Variants in CTNNA2 observed in about 807,000 individuals in gnomAD.
CTNNA2 encodes catenin alpha 2.
A neutral mutation model predicts 101.0 loss-of-function variants in CTNNA2; 42 were observed. That is an observed-to-expected ratio of 0.42 (90% CI 0.32 to 0.54). CTNNA2 has a LOEUF of 0.54. Ranked by LOEUF, CTNNA2 falls within the 20% of genes least tolerant of loss-of-function variation. The pLI is 0.14. For synonymous variants in CTNNA2, 450 were observed against 456.4 expected (o/e 0.99, Z 0.18); for missense variants, 871 against 1,223.1 (o/e 0.71, Z 4.29).
chr2:79,684,027 G>A (rs1236992838), intron 2 of CTNNA2, among the ~76,000 whole-genome samples: 2 of 152,146 alleles, frequency 1.3e-5, no homozygotes, highest in African/African-American at 4.8e-5. Flanking sequence ...AGGAGAGGGG[G>A]CAGTCTGAAC....
chr2:80,328,366 G>A (rs1457177754), intron 7 of CTNNA2: 4 of 470,930 alleles, frequency 8.5e-6, no homozygotes, highest in Non-Finnish European at 1.8e-5. Context: ...AGGCATGTTT[G>A]TGTGTGGCAG....
intron 7 of CTNNA2, among the ~76,000 whole-genome samples, chr2:80,298,002 T>G (rs1055882958): frequency 2.1e-4 from 32 of 151,748 alleles, no homozygotes; most frequent in Admixed American, 4.6e-4. Flanking sequence ...TATATGTGTG[T>G]GTGTGTGGTA....
chr2:79,197,148 G>C (rs889172485), intron 1 of CTNNA2, among the ~76,000 whole-genome samples: 11 of 152,138 alleles, frequency 7.2e-5, no homozygotes, highest in Admixed American at 6.6e-4. Flanking sequence ...CTCAAATCCA[G>C]AGATATGCAC....
chr2:79,320,570 G>C (rs1255179316), intron 3 of CTNNA2, among the ~76,000 whole-genome samples: 1 of 152,292 alleles, frequency 6.6e-6, no homozygotes, highest in East Asian at 1.9e-4. Context: ...AGAAAGTAAA[G>C]TTCTGCCTCT....
At chr2:79,648,388 A>G (rs947649447) in intron 1 of CTNNA2, among the ~76,000 whole-genome samples, 2 of 152,248 alleles carry the variant, frequency 1.3e-5, no homozygotes, top group Non-Finnish European at 2.9e-5. Flanking sequence ...GACTATGGTT[A>G]TGATTACTAT....
Position 79,306,574 on chromosome 2 carries a change from G to T in CTNNA2, c.-405-6135G>T, listed in dbSNP as rs1271286522. Among the ~76,000 whole-genome samples, 3 of 152,238 alleles carry T rather than the reference G, an allele frequency of 2.0e-5. No homozygotes were observed. In the East Asian group the frequency reaches 5.8e-4, roughly 29 times the overall value. On this transcript the variant is annotated intron_variant, in intron 2 of 21. Coordinates refer to the CTNNA2 transcript ENST00000466387. Reference sequence around the variant, plus strand: ...TATAACACACTTTTGGTGGACACAGGCTGTTTTAAATTTTAGGTATTGCAG... The same window carrying T: ...TATAACACACTTTTGGTGGACACAGTCTGTTTTAAATTTTAGGTATTGCAG...
chr2:80,369,437 G>A (rs892389540), intron 7 of CTNNA2, among the ~76,000 whole-genome samples: 13 of 152,050 alleles, frequency 8.5e-5, no homozygotes, highest in African/African-American at 2.9e-4. Flanking sequence ...ATGCAAGAAT[G>A]TACATATACA....
chr2:79,961,606 A>G (rs980347103), intron 7 of CTNNA2, among the ~76,000 whole-genome samples: 4 of 151,870 alleles, frequency 2.6e-5, no homozygotes, highest in Admixed American at 2.0e-4. Context: ...GCGGATCACC[A>G]GGTCAGGAGA....
chr2:79,544,792 G>A (rs1037257691), intron 1 of CTNNA2, among the ~76,000 whole-genome samples: 1 of 152,112 alleles, frequency 6.6e-6, no homozygotes, highest in Non-Finnish European at 1.5e-5. Flanking sequence ...AAGAAATATT[G>A]CCTTGGCCTC....
At chr2:79,478,172 T>C (rs1671073340) in intron 4 of CTNNA2, among the ~76,000 whole-genome samples, 1 of 152,178 alleles carries the variant, frequency 6.6e-6, no homozygotes, top group South Asian at 2.1e-4. Context: ...TCCAACCCCT[T>C]TGGAGCTGTA....
chr2:80,085,434 G>A (rs915453928), intron 7 of CTNNA2, among the ~76,000 whole-genome samples: 3 of 152,054 alleles, frequency 2.0e-5, no homozygotes, highest in Admixed American at 6.6e-5. Flanking sequence ...GGTGCAAAAA[G>A]AGAACACAAA....
At chr2:79,790,025 G>A (rs762744087) in intron 3 of CTNNA2, among the ~76,000 whole-genome samples, 1 of 152,262 alleles carries the variant, frequency 6.6e-6, no homozygotes, top group African/African-American at 2.4e-5. Flanking sequence ...AAAAGGCCAA[G>A]AAAGAGCACC....
intron 2 of CTNNA2, among the ~76,000 whole-genome samples, chr2:79,261,309 A>G (rs1224286910): frequency 6.6e-6 from 1 of 152,194 alleles, no homozygotes; most frequent in Non-Finnish European, 1.5e-5. Context: ...ACGTTGCACA[A>G]TAAAAATATG....
chr2:80,589,899 T>TGC (rs1183564452), intron 15 of CTNNA2, among the ~76,000 whole-genome samples: 16 of 144,628 alleles, frequency 1.1e-4, no homozygotes, highest in African/African-American at 3.2e-4. Flanking sequence ...TGTGTGTGTG[T>TGC]GTGTGTGCGC....
At chr2:80,596,654 CAG>C (rs1697012437) in intron 15 of CTNNA2, among the ~76,000 whole-genome samples, 1 of 152,020 alleles carries the variant, frequency 6.6e-6, no homozygotes, top group Non-Finnish European at 1.5e-5. Context: ...CATCTGCAAA[CAG>C]AGACAATTTG....
At chr2:80,076,301 T>A (rs1468369129) in intron 7 of CTNNA2, among the ~76,000 whole-genome samples, 1 of 151,484 alleles carries the variant, frequency 6.6e-6, no homozygotes, top group Non-Finnish European at 1.5e-5. Context: ...CTTTTTTAGA[T>A]AGGATCTCAC....
intron 3 of CTNNA2, among the ~76,000 whole-genome samples, chr2:79,765,334 CT>C (rs1006421085): frequency 1.3e-5 from 2 of 152,038 alleles, no homozygotes; most frequent in Non-Finnish European, 2.9e-5. Context: ...CTAGTACTTT[CT>C]TTTTTTCTAA....
chr2:79,330,716 C>A (rs577667704), intron 3 of CTNNA2, among the ~76,000 whole-genome samples: 1 of 152,118 alleles, frequency 6.6e-6, no homozygotes, highest in Non-Finnish European at 1.5e-5. Flanking sequence ...ATCTGATGGT[C>A]TTATAAAGGG....
intron 1 of CTNNA2, among the ~76,000 whole-genome samples, chr2:79,638,196 G>C (rs1381381377): frequency 6.6e-6 from 1 of 152,134 alleles, no homozygotes; most frequent in Non-Finnish European, 1.5e-5. Flanking sequence ...TAATGGAAAG[G>C]ATTATACTAT....
Sources: allele counts gnomAD v4.1 joint callset (sites outside exome capture counted in the v4.1 genomes callset), GRCh38; gene constraint gnomAD v4.1.1; transcripts MANE v1.5; gene names NCBI Gene and HGNC (gene_info 2026-07-23, HGNC 2026-07-21).